Variants in UBA7 observed in about 807,000 individuals in gnomAD.
The protein encoded by UBA7 is ubiquitin-like modifier-activating enzyme 7.
Under a neutral mutation model 113.0 loss-of-function variants are expected in UBA7, and 88 were observed. That is an observed-to-expected ratio of 0.78 (90% CI 0.66 to 0.93). The LOEUF (loss-of-function observed/expected upper bound fraction) is 0.93. Among genes scored for constraint, UBA7 ranks in the 40% least tolerant of loss-of-function variants. The probability of loss-of-function intolerance (pLI) is 0.00; values close to 1 mark genes in which losing one functional copy is unlikely to be tolerated. For missense variants in UBA7, 1,092 were observed against 1,266.4 expected (o/e 0.86, Z 2.09); for synonymous variants, 459 against 513.0 (o/e 0.89, Z 1.42).
At position 49,810,152 on chromosome 3, in the gene UBA7, A is replaced by C. The variant is rs1323957044; in HGVS notation, c.1665T>G (p.Tyr555Ter). 6.8e-6 allele frequency: 11 copies of C among 1,613,168 alleles called. No homozygotes were observed. The highest frequency in any genetic ancestry group is 1.7e-5 in the Admixed American group (1 of 60,012). Residue 555 changes from tyrosine (Y) to a stop codon, truncating the protein, a stop_gained, in exon 14 of 24, where the codon TAT (tyrosine) becomes TAG (stop). Transcript: ENST00000333486. LOFTEE classifies it high-confidence loss of function. This position sits in a 1 kb window ranked among gnomAD's most constrained non-coding sequence, Gnocchi z 5.6. The stretch of plus-strand genomic sequence containing the variant: ...TGCCTGCCTCCAGCAGTGGCTTCAG[A>C]TAGTGGGTGCAACGAGCAGCCACAT... ...RRYVAARCTH[Y>*]LKPLLEAGTS...
At position 49,808,354 on chromosome 3, in the gene UBA7, G is replaced by A. The variant is rs1490470837; in HGVS notation, c.2430+32C>T. ...CTGACCTTTCTCCACAAACTCCCCA[G>A]CCCCACTCCTCACTGCCACTTGGGC... On this transcript the variant is annotated intron_variant, in intron 19 of 23. Transcript: ENST00000333486. The A allele has an allele frequency of 2.5e-6, 4 of 1,613,106 alleles. No individual in the cohort carries two copies. The Admixed American group carries it at 5.0e-5, about 20-fold the overall frequency.
intron 19 of UBA7, 74 bp from the exon 20 acceptor site, chr3:49,808,186 A>G (rs2081487051): frequency 6.4e-7 from 1 of 1,571,228 alleles, no homozygotes; most frequent in African/African-American, 1.3e-5. Flanking sequence ...GTGTCACTGC[A>G]CAAGTCTCCA....
chr3:49,812,196 G>A lies in UBA7; in HGVS notation c.705C>T (p.Ser235=). Residue 235 remains serine, a synonymous_variant, in exon 7 of 24, where the codon TCC becomes TCT. Coordinates refer to ENST00000333486, the MANE Select transcript of UBA7 (RefSeq NM_003335.3). The part of the protein sequence containing the change: ...PRSIHVREDG[S]LEIGDTTTFS... ...AAGTTGTTGTGTCTCCAATCTCCAGGGACCCATCCTCTGAGGGAGTTCCAG... is the reference window on the plus strand; with the variant it reads ...AAGTTGTTGTGTCTCCAATCTCCAGAGACCCATCCTCTGAGGGAGTTCCAG... 1 of 1,614,160 alleles carries A rather than the reference G, an allele frequency of 6.2e-7. No homozygotes were observed. Among genetic ancestry groups the A allele is most frequent in the East Asian group, 2.2e-5 (1 of 44,880 alleles).
intron 7 of UBA7, 31 bp downstream of exon 7, chr3:49,812,078 G>A: frequency 2.5e-6 from 4 of 1,614,200 alleles, no homozygotes; most frequent in Non-Finnish European, 3.4e-6. Context: ...AGGCGACCAA[G>A]CTCCCCTACC....
At position 49,811,253 on chromosome 3, in the gene UBA7, A is replaced by G; in HGVS notation, c.1122+20T>C. The stretch of plus-strand genomic sequence containing the variant: ...TCTCCACATCTTCCCAGTACCCCCC[A>G]CACCTATGCCTCTGCCCACCTTCAG... On this transcript the variant is annotated intron_variant, in intron 9 of 23. Coordinates refer to ENST00000333486, the MANE Select transcript of UBA7 (RefSeq NM_003335.3). The G allele has an allele frequency of 6.2e-7, 1 of 1,613,342 alleles. No homozygotes were observed. Among genetic ancestry groups the G allele is most frequent in the Non-Finnish European group, 8.5e-7 (1 of 1,179,776 alleles).
chr3:49,806,140 C>T lies in UBA7; in HGVS notation c.2741G>A (p.Trp914Ter), dbSNP rs764137568. ...QTFHHLKWTS[W>*]DRLKVPAGQP... ...CCCAGCTGGTACCTTCAGACGGTCC[C>T]AAGAGGTCCACTTCAGGTGATGGAA... Residue 914 changes from tryptophan (W) to a stop codon, truncating the protein, a stop_gained, in exon 22 of 24, where the codon TGG becomes TAG. Transcript: ENST00000333486. LOFTEE classifies it high-confidence loss of function. 11 of 1,601,990 alleles carry T rather than the reference C, an allele frequency of 6.9e-6. No individual in the cohort carries two copies. The highest frequency in any genetic ancestry group is 8.5e-7 in the Non-Finnish European group (1 of 1,174,894).
Position 49,809,440 on chromosome 3 carries a change from A to C in UBA7, c.2113T>G (p.Trp705Gly). Residue 705 changes from tryptophan to glycine, a missense_variant, in exon 17 of 24, where the codon TGG (tryptophan) becomes GGG (glycine). Physicochemically the swap from Trp to Gly is radical, Grantham distance 184. Around this residue, in one of 3 missense-constraint regions of UBA7, gnomAD observed 500 missense variants for 529.3 expected, o/e 0.94. Transcript: ENST00000333486. ...NKVLEDGTPF[W>G]SGPKQCPQPL... ...TGGGGACACTGTTTGGGACCTGACC[A>C]GAAGGGAGTTCCATCCTCAAGCACC... The C allele has an allele frequency of 6.2e-7, 1 of 1,614,198 alleles. No homozygotes were observed. Among genetic ancestry groups the C allele is most frequent in the Non-Finnish European group, 8.5e-7 (1 of 1,180,028 alleles).
At position 49,813,303 on chromosome 3, in the gene UBA7, G is replaced by A; in HGVS notation, c.306C>T (p.Val102=). ...QELLAQLNRA[V]QVVVHTGDIT... ...TGTCACCCGTGTGCACGACGACCTG[G>A]ACAGCTCTGTTGAGCTGAGCCAAGA... Residue 102 remains valine, a synonymous_variant, in exon 3 of 24, where the codon GTC becomes GTT. Coordinates refer to ENST00000333486, the MANE Select transcript of UBA7 (RefSeq NM_003335.3). The A allele has an allele frequency of 6.8e-6, 11 of 1,614,206 alleles. No homozygotes were observed. The highest frequency in any genetic ancestry group is 9.3e-6 in the Non-Finnish European group (11 of 1,180,040).
intron 19 of UBA7, 118 bp downstream of exon 19, chr3:49,808,268 G>A: frequency 6.6e-7 from 1 of 1,511,110 alleles, no homozygotes; most frequent in Non-Finnish European, 9.2e-7. Flanking sequence ...AATGTGAGCT[G>A]CTTCCAGGGT....
chr3:49,812,278 A>C, intron 6 of UBA7, 72 bp from the exon 7 acceptor site: 2 of 1,611,376 alleles, frequency 1.2e-6, no homozygotes, highest in South Asian at 2.2e-5. Flanking sequence ...CCTATCTTGC[A>C]TCTGTGTCCC....
chr3:49,812,794 G>A (rs2081570925), intron 4 of UBA7, 56 bp from the exon 5 acceptor site: 1 of 1,580,064 alleles, frequency 6.3e-7, no homozygotes, highest in African/African-American at 1.3e-5. Context: ...CTTAAGGATA[G>A]GGGATACTAG....
Position 49,807,761 on chromosome 3 carries a change from A to G in UBA7, c.2690T>C (p.Met897Thr), listed in dbSNP as rs758738535. 17 of 1,612,266 alleles carry G rather than the reference A, an allele frequency of 1.1e-5. No homozygotes were observed. Among genetic ancestry groups the G allele is most frequent in the Admixed American group, 1.7e-5 (1 of 59,852 alleles). ...HLAENYLIRYMPFAPAIQTFH... is the reference protein window; with the variant it reads ...HLAENYLIRYTPFAPAIQTFH... Reference sequence around the variant, plus strand: ...CGTCTGGATGGCTGGGGCAAAAGGCATATAGCGGATGAGGTAGTTTTCAGC... The same window carrying G: ...CGTCTGGATGGCTGGGGCAAAAGGCGTATAGCGGATGAGGTAGTTTTCAGC... Residue 897 changes from methionine to threonine, a missense_variant, in exon 21 of 24, where the codon ATG (methionine) becomes ACG (threonine). Met to Thr is a moderately conservative substitution (Grantham distance 81, BLOSUM62 -1). Coordinates refer to ENST00000333486, the MANE Select transcript of UBA7 (RefSeq NM_003335.3). The surrounding 1 kb of genome is among the most constrained non-coding windows in gnomAD (Gnocchi z 4.0).
chr3:49,809,784 G>T (rs374217231), intron 15 of UBA7, 31 bp downstream of exon 15: 3 of 1,613,988 alleles, frequency 1.9e-6, no homozygotes, highest in Non-Finnish European at 2.5e-6. Context: ...TGGAGCCCTG[G>T]ACTCCCATCT....
rs118020287 is a variant in UBA7 at position 49,808,027 on chromosome 3, C to G, written c.2516G>C (p.Arg839Pro). 2.7e-4 allele frequency: 443 copies of G among 1,614,112 alleles called. 2 individuals are homozygous for G. In the East Asian group the frequency reaches 9.3e-3, roughly 34 times the overall value. ...CQNYGIPPVN[R>P]AQSKRIVGQI... is the part of the protein sequence containing the mutation. ...CTCAAGGGGTGGGGTTACCTGGGCA[C>G]GGTTGACCGGTGGAATCCCGTAGTT... Residue 839 changes from arginine (R) to proline (P), a missense_variant, in exon 20 of 24, where the codon CGT becomes CCT. Arg to Pro is a moderately radical substitution (Grantham distance 103, BLOSUM62 -2). Coordinates refer to ENST00000333486, the MANE Select transcript of UBA7 (RefSeq NM_003335.3).
chr3:49,807,913 C>T lies in UBA7; in HGVS notation c.2538G>A (p.Val846=), dbSNP rs750984592. ...PVNRAQSKRI[V]GQIIPAIATT... is the part of the protein sequence containing the mutation. ...TGGCAATGGCTGGGATAATCTGGCC[C>T]ACAATTCGCTTGCTCTGCCAAGGAC... is the stretch of plus-strand genomic sequence containing the variant. The change falls in exon 21 of 24, where the codon GTG becomes GTA. Residue 846 remains valine, a synonymous_variant. Transcript: ENST00000333486. The surrounding 1 kb of genome is among the most constrained non-coding windows in gnomAD (Gnocchi z 4.0). 4.3e-6 allele frequency: 7 copies of T among 1,612,150 alleles called. No individual in the cohort carries two copies. The African/African-American group carries it at 9.3e-5, about 22-fold the overall frequency.
Position 49,810,829 on chromosome 3 carries a change from C to T in UBA7, c.1234G>A (p.Gly412Ser). The change falls in exon 11 of 24, where the codon GGC becomes AGC. Residue 412 changes from glycine to serine, a missense_variant. This residue lies in a region of UBA7 where 584 missense variants were observed against 714.5 expected (regional missense o/e 0.82). Coordinates refer to ENST00000333486, the MANE Select transcript of UBA7 (RefSeq NM_003335.3). The surrounding 1 kb of genome is among the most constrained non-coding windows in gnomAD (Gnocchi z 5.6). ...LPSPEDCALR[G>S]SRYDGQIAVF... is the part of the protein sequence containing the mutation. ...GCAATTTGCCCATCATAGCGGCTGC[C>T]TCTCTAGGGGACAGAGACGGGGTCA... 1 of 1,614,168 alleles carries T rather than the reference C, an allele frequency of 6.2e-7. No homozygotes were observed. The highest frequency in any genetic ancestry group is 8.5e-7 in the Non-Finnish European group (1 of 1,180,026).
intron 5 of UBA7, 31 bp from the exon 6 acceptor site, chr3:49,812,574 C>G (rs373490028): frequency 1.9e-6 from 3 of 1,613,956 alleles, no homozygotes; most frequent in Non-Finnish European, 2.5e-6. Flanking sequence ...CTCAGGGTTG[C>G]CTGGACCTGC....
chr3:49,810,907 A>G lies in UBA7; in HGVS notation c.1231-75T>C. The G allele has an allele frequency of 6.2e-7, 1 of 1,610,432 alleles. No homozygotes were observed. On this transcript the variant is annotated intron_variant, in intron 10 of 23. Coordinates refer to ENST00000333486, the MANE Select transcript of UBA7 (RefSeq NM_003335.3). The surrounding 1 kb of genome is among the most constrained non-coding windows in gnomAD (Gnocchi z 5.6). ...CTTATACTGAGTTTTCTGAATCAGG[A>G]CCTGGAGGGCATTCCTCATGCTTCT...
chr3:49,805,777 A>C, intron 23 of UBA7, 120 bp downstream of exon 23: 1 of 1,030,782 alleles, frequency 9.7e-7, no homozygotes, highest in Non-Finnish European at 1.4e-6. Flanking sequence ...ATTTGGGGAA[A>C]GAATGCTTGG....
Sources: gnomAD v4.1 joint callset for allele counts on GRCh38, gnomAD v4.1.1 for gene constraint, gnomAD v4.1.1 regional missense constraint, Gnocchi (gnomAD v3.1) non-coding constraint, MANE v1.5 for transcripts, NCBI Gene and HGNC (gene_info 2026-07-23, HGNC 2026-07-21) for gene names.